CPA6: variants seen among roughly 807,000 people sequenced by gnomAD.
CPA6 encodes carboxypeptidase A6, also known as carboxypeptidase B.
CPA6 carries 58 observed loss-of-function variants against 63.3 expected under a neutral mutation model. That is an observed-to-expected ratio of 0.92 (90% CI 0.74 to 1.14). The LOEUF (loss-of-function observed/expected upper bound fraction) is 1.14, where lower values mean the gene tolerates loss of function less well. Among genes scored for constraint, CPA6 ranks in the 50% most tolerant of loss-of-function variants. CPA6 has a pLI of 0.00. For synonymous variants in CPA6, 185 were observed against 179.0 expected (o/e 1.03, Z -0.27); for missense variants, 565 against 526.6 (o/e 1.07, Z -0.71).
intron 1 of CPA6, among the ~76,000 whole-genome samples, chr8:67,664,426 A>G (rs1816183178): frequency 6.6e-6 from 1 of 152,190 alleles, no homozygotes; most frequent in Admixed American, 6.5e-5. Context: ...GTCCAGGTTC[A>G]AATTTAGAAT....
At chr8:67,671,906 C>T (rs980849798) in intron 1 of CPA6, among the ~76,000 whole-genome samples, 1 of 152,136 alleles carries the variant, frequency 6.6e-6, no homozygotes, top group Non-Finnish European at 1.5e-5. Flanking sequence ...TCTTGGCTCA[C>T]TGCAACCTCT....
intron 1 of CPA6, among the ~76,000 whole-genome samples, chr8:67,669,926 G>T (rs1816306916): frequency 6.6e-6 from 1 of 152,116 alleles, no homozygotes; most frequent in Admixed American, 6.6e-5. Flanking sequence ...GTCACAAAAG[G>T]TTAAATATCA....
intron 2 of CPA6, among the ~76,000 whole-genome samples, chr8:67,533,959 T>C (rs1165630645): frequency 6.6e-6 from 1 of 152,216 alleles, no homozygotes; most frequent in Non-Finnish European, 1.5e-5. Flanking sequence ...AATGATGTGG[T>C]TGACGAAAAG....
At position 67,442,346 on chromosome 8, in the gene CPA6, A is replaced by G. The variant is rs549681078; in HGVS notation, c.839-8106T>C. Among the ~76,000 whole-genome samples the G allele has an allele frequency of 4.0e-5, 6 of 151,832 alleles. No individual in the cohort carries two copies. The South Asian group carries it at 1.2e-3, about 31-fold the overall frequency. On this transcript the variant is annotated intron_variant, in intron 8 of 10. Coordinates refer to ENST00000297770, the MANE Select transcript of CPA6 (RefSeq NM_020361.5). ...TGATATTGTAATATGATGTAATATA[A>G]TATAATATAATGTAATATGTAATAT...
At chr8:67,452,003 C>T (rs753832454) in intron 8 of CPA6, among the ~76,000 whole-genome samples, 9 of 152,226 alleles carry the variant, frequency 5.9e-5, no homozygotes, top group African/African-American at 1.4e-4. Context: ...CAAGAAAATA[C>T]GGAGTGATAA....
chr8:67,594,841 C>T (rs1317388351), intron 2 of CPA6, among the ~76,000 whole-genome samples: 1 of 152,160 alleles, frequency 6.6e-6, no homozygotes, highest in Non-Finnish European at 1.5e-5. Flanking sequence ...TCCTGTAGCT[C>T]AGAGTAGTTT....
At chr8:67,681,128 T>A (rs893335303) in intron 1 of CPA6, among the ~76,000 whole-genome samples, 11 of 151,778 alleles carry the variant, frequency 7.2e-5, no homozygotes, top group Non-Finnish European at 1.5e-4. Flanking sequence ...ATCTTCCCTT[T>A]TTCCTTTATA....
At chr8:67,617,086 G>C (rs1368019999) in intron 2 of CPA6, among the ~76,000 whole-genome samples, 2 of 152,110 alleles carry the variant, frequency 1.3e-5, no homozygotes, top group East Asian at 1.9e-4. Flanking sequence ...TCTTATAATA[G>C]AAAAGAAACA....
intron 1 of CPA6, among the ~76,000 whole-genome samples, chr8:67,635,265 A>G (rs1334787866): frequency 6.6e-5 from 10 of 151,046 alleles, no homozygotes; most frequent in Middle Eastern, 3.4e-3. Context: ...ACACAATTTG[A>G]TTCCGAATAC....
chr8:67,594,647 T>C (rs1302431381), intron 2 of CPA6, among the ~76,000 whole-genome samples: 1 of 152,248 alleles, frequency 6.6e-6, no homozygotes. Flanking sequence ...CCATCACTGA[T>C]ACCCTTTCTT....
chr8:67,717,350 T>G (rs1266573379), intron 1 of CPA6, among the ~76,000 whole-genome samples: 1 of 152,232 alleles, frequency 6.6e-6, no homozygotes, highest in Non-Finnish European at 1.5e-5. Context: ...GGTACCCAAC[T>G]GGGACATTGT....
At chr8:67,551,563 C>T (rs935157308) in intron 2 of CPA6, among the ~76,000 whole-genome samples, 2 of 152,136 alleles carry the variant, frequency 1.3e-5, no homozygotes, top group East Asian at 1.9e-4. Flanking sequence ...TGAAAAATGA[C>T]GTTGGCTGTT....
chr8:67,631,533 CGGACCAATCAGCTCTCTGTAAAAT>C (rs557649041), intron 1 of CPA6, among the ~76,000 whole-genome samples: 231 of 152,116 alleles, frequency 1.5e-3, no homozygotes, highest in African/African-American at 5.0e-3. Context: ...ACCGTCAAAA[CGGACCAATCAGCTCTCTGTAAAAT>C]GGACCAATCA....
intron 2 of CPA6, among the ~76,000 whole-genome samples, chr8:67,580,973 T>C (rs1221819554): frequency 6.6e-6 from 1 of 152,080 alleles, no homozygotes; most frequent in Non-Finnish European, 1.5e-5. Flanking sequence ...CCAAGTGTTA[T>C]GGGCCCAGAG....
At chr8:67,630,112 A>ATAAT (rs1219165640) in intron 1 of CPA6, among the ~76,000 whole-genome samples, 1 of 132,842 alleles carries the variant, frequency 7.5e-6, no homozygotes. Flanking sequence ...CTCAATTAAA[A>ATAAT]TAATAATAAT....
chr8:67,725,036 C>T (rs568390697), intron 1 of CPA6, among the ~76,000 whole-genome samples: 12 of 152,278 alleles, frequency 7.9e-5, no homozygotes, highest in African/African-American at 2.4e-4. Context: ...CTAGAATAGT[C>T]GGCTACCTGG....
At chr8:67,601,881 T>C (rs1353910551) in intron 2 of CPA6, among the ~76,000 whole-genome samples, 2 of 152,208 alleles carry the variant, frequency 1.3e-5, no homozygotes, top group South Asian at 2.1e-4. Flanking sequence ...TGAGAACTTA[T>C]TCTACTTGTA....
intron 6 of CPA6, among the ~76,000 whole-genome samples, chr8:67,497,265 T>C (rs2128963223): frequency 6.6e-6 from 1 of 152,332 alleles, no homozygotes; most frequent in East Asian, 1.9e-4. Flanking sequence ...CAATTCCCGC[T>C]TACTCCATCC....
rs144153851 is a variant in CPA6, at chr8:67,453,497, G to T, written c.839-19257C>A. Among the ~76,000 whole-genome samples, 147 of 152,268 alleles carry T rather than the reference G, an allele frequency of 9.7e-4. 1 individual carries two copies. The highest frequency in any genetic ancestry group is 3.4e-3 in the Middle Eastern group (1 of 294). The stretch of plus-strand genomic sequence containing the variant: ...GATACCCCCAGTGAAGATGCTAATA[G>T]ATATGATATATGGAGCTTGGGAGAG... On this transcript the variant is annotated intron_variant, in intron 8 of 10. Transcript: ENST00000297770.
Sources: gnomAD v4.1 joint callset for allele counts (sites outside exome capture counted in the v4.1 genomes callset) on GRCh38, gnomAD v4.1.1 for gene constraint, MANE v1.5 for transcripts, NCBI Gene and HGNC (gene_info 2026-07-23, HGNC 2026-07-21) for gene names.